SUPT20H: variants seen among roughly 807,000 people sequenced by gnomAD.
SUPT20H encodes the protein SPT20 homolog, SAGA complex component, also known as transcription factor SPT20 homolog.
Under a neutral mutation model 122.8 loss-of-function variants are expected in SUPT20H, and 82 were observed. That is an observed-to-expected ratio of 0.67 (90% confidence interval 0.56 to 0.80). The LOEUF (loss-of-function observed/expected upper bound fraction) is 0.80, where lower values mean the gene tolerates loss of function less well. Among genes scored for constraint, SUPT20H ranks in the 30% least tolerant of loss-of-function variants. The pLI, the probability that SUPT20H is intolerant of heterozygous loss-of-function variation, is 0.00. For missense variants in SUPT20H, 831 were observed against 921.6 expected, an observed-to-expected ratio of 0.90 and a Z score of 1.27; for synonymous variants, 291 against 313.0, an observed-to-expected ratio of 0.93 and a Z score of 0.74.
chr13:37,056,503 A>T (rs571830342), intron 1 of SUPT20H, among the ~76,000 whole-genome samples: 132 of 152,278 alleles, frequency 8.7e-4, no homozygotes, highest in Non-Finnish European at 1.4e-3. Flanking sequence ...TTCTCAGCAA[A>T]CTATCGCAAG....
chr13:37,055,123 C>T (rs1255604205), intron 1 of SUPT20H, among the ~76,000 whole-genome samples: 5 of 152,270 alleles, frequency 3.3e-5, no homozygotes, highest in Admixed American at 6.5e-5. Context: ...AAAGAGGATA[C>T]AAACAAATGG....
At chr13:37,011,619 C>T (rs934373214) in intron 24 of SUPT20H, among the ~76,000 whole-genome samples, 2 of 152,158 alleles carry the variant, frequency 1.3e-5, no homozygotes, top group East Asian at 1.9e-4. Context: ...TTAGAATTAT[C>T]GTCTTCAACT....
intron 1 of SUPT20H, among the ~76,000 whole-genome samples, chr13:37,058,674 A>T (rs991392868): frequency 3.3e-5 from 5 of 152,206 alleles, no homozygotes; most frequent in Middle Eastern, 3.2e-3. Context: ...GGCAATCAGA[A>T]CAACTGACTT....
At chr13:37,012,379 A>T in intron 23 of SUPT20H, 82 bp from the exon 24 acceptor site, 1 of 1,121,910 alleles carries the variant, frequency 8.9e-7, no homozygotes, top group Non-Finnish European at 1.3e-6. Flanking sequence ...ATTTTTTCCT[A>T]TATGAAAGAA....
At chr13:37,036,776 C>T (rs2064509396) in intron 9 of SUPT20H, among the ~76,000 whole-genome samples, 1 of 152,006 alleles carries the variant, frequency 6.6e-6, no homozygotes, top group African/African-American at 2.4e-5. Context: ...AGGATGAAGA[C>T]CTTTAATATG....
intron 17 of SUPT20H, chr13:37,024,902 G>C (rs1437950521): frequency 5.8e-6 from 1 of 171,208 alleles, no homozygotes; most frequent in African/African-American, 2.4e-5. Flanking sequence ...AAAGGTAAAA[G>C]TAGAAACAAA....
At chr13:37,056,161 T>C (rs1369315202) in intron 1 of SUPT20H, among the ~76,000 whole-genome samples, 1 of 152,212 alleles carries the variant, frequency 6.6e-6, no homozygotes, top group African/African-American at 2.4e-5. Flanking sequence ...TTTTACATTG[T>C]TGGTGGGACT....
intron 3 of SUPT20H, among the ~76,000 whole-genome samples, 190 bp from the exon 4 acceptor site, chr13:37,048,126 G>A (rs780509227): frequency 6.6e-6 from 1 of 152,124 alleles, no homozygotes; most frequent in South Asian, 2.1e-4. Context: ...ACTGCACCAC[G>A]ATTTAGCAGA....
intron 10 of SUPT20H, among the ~76,000 whole-genome samples, chr13:37,032,209 G>A (rs1044616495): frequency 2.0e-5 from 3 of 151,972 alleles, no homozygotes; most frequent in Admixed American, 2.0e-4. Context: ...ATGGGATAAG[G>A]AGGGCAACAT....
At chr13:37,025,747 T>A in intron 16 of SUPT20H, 1 of 271,614 alleles carries the variant, frequency 3.7e-6, no homozygotes, top group East Asian at 1.0e-4. Context: ...ATTCCTTTCT[T>A]AGATTCTGAT....
chr13:37,023,019 G>T, intron 19 of SUPT20H: 1 of 1,280,340 alleles, frequency 7.8e-7, no homozygotes, highest in Non-Finnish European at 1.0e-6. Flanking sequence ...AGCTCTTGAG[G>T]TGTTTTCTTT....
chr13:37,057,803 G>T (rs959564601), intron 1 of SUPT20H, among the ~76,000 whole-genome samples: 4 of 151,784 alleles, frequency 2.6e-5, no homozygotes, highest in African/African-American at 9.7e-5. Context: ...GCGAAACCCC[G>T]TCTCTACTAA....
chr13:37,040,263 T>G, intron 9 of SUPT20H, 142 bp downstream of exon 9: 1 of 743,988 alleles, frequency 1.3e-6, no homozygotes, highest in South Asian at 2.3e-5. Context: ...CTTCTAGATC[T>G]TATAAAGGAA....
rs147607830 is a variant in SUPT20H, at chr13:37,017,130, T to C, written c.1992+115A>G. 5.0e-4 allele frequency: 726 copies of C among 1,461,314 alleles called. 1 individual carries two copies. The highest frequency in any genetic ancestry group is 6.7e-4 in the Non-Finnish European group (702 of 1,048,806). 90.5% of individuals were successfully genotyped at this position (1,461,314 alleles called of 1,614,324 possible). Reference sequence around the variant, plus strand: ...AATAGCTGATTGCTACTATTGTTAATAAAAACAGTACAGGAAATGTTTACA... The same window carrying C: ...AATAGCTGATTGCTACTATTGTTAACAAAAACAGTACAGGAAATGTTTACA... On this transcript the variant is annotated intron_variant, in intron 23 of 25. Transcript: ENST00000350612.
Position 37,051,878 on chromosome 13 carries a change from T to A in SUPT20H, c.-93-295A>T, listed in dbSNP as rs139337529. Among the ~76,000 whole-genome samples, 608 of 152,330 alleles carry A rather than the reference T, an allele frequency of 4.0e-3. 3 individuals carry two copies. The highest frequency in any genetic ancestry group is 0.014 in the African/African-American group (574 of 41,572). ...CCAGAGAGAAAAAAAATACATTTTT[T>A]AAAATCTCTTCTCTATCACTACTGT... On this transcript the variant is annotated intron_variant, in intron 1 of 25. Coordinates refer to ENST00000350612, the MANE Select transcript of SUPT20H (RefSeq NM_001014286.3).
At chr13:37,024,469 T>C in intron 17 of SUPT20H, 27 bp from the exon 18 acceptor site, 3 of 1,438,138 alleles carry the variant, frequency 2.1e-6, no homozygotes, top group East Asian at 2.4e-5. Flanking sequence ...TTAAGCTTAC[T>C]TGTTAAAATT....
At chr13:37,023,613 T>C (rs1172116374) in intron 19 of SUPT20H, 1 of 153,704 alleles carries the variant, frequency 6.5e-6, no homozygotes, top group Non-Finnish European at 1.4e-5. Flanking sequence ...AGTTGACTTC[T>C]TACATATACA....
Position 37,022,939 on chromosome 13 carries a change from A to C in SUPT20H, c.1592-859T>G. Reference sequence around the variant, plus strand: ...ATGTATAGAAAATCTGTTGTGAATGAAGTATGCACAGTTTATCAATTTTTT... The same window carrying C: ...ATGTATAGAAAATCTGTTGTGAATGCAGTATGCACAGTTTATCAATTTTTT... On this transcript the variant is annotated intron_variant, in intron 19 of 25. Transcript: ENST00000350612. The surrounding 1 kb of genome is among the most constrained non-coding windows in gnomAD (Gnocchi z 4.5). 8.4e-7 allele frequency: 1 copy of C among 1,187,048 alleles called. No homozygotes were observed. Among genetic ancestry groups the C allele is most frequent in the South Asian group, 1.6e-5 (1 of 63,600 alleles). The allele number at this position is 1,187,048 out of a possible 1,614,324, so 73.5% of individuals were successfully genotyped here.
intron 24 of SUPT20H, 106 bp from the exon 25 acceptor site, chr13:37,010,761 G>A: frequency 1.3e-6 from 1 of 749,092 alleles, no homozygotes; most frequent in Non-Finnish European, 2.2e-6. Context: ...TTAGCAGTAT[G>A]ATTAATCTTA....
Sources: gnomAD v4.1 joint callset for allele counts (sites outside exome capture counted in the v4.1 genomes callset) on GRCh38, gnomAD v4.1.1 for gene constraint, Gnocchi (gnomAD v3.1) non-coding constraint, MANE v1.5 for transcripts, NCBI Gene and HGNC (gene_info 2026-07-23, HGNC 2026-07-21) for gene names.